Variants in GLRA1 observed in about 807,000 individuals in gnomAD.
GLRA1 encodes glycine receptor subunit alpha-1.
GLRA1 carries 37 observed loss-of-function variants against 48.3 expected under a neutral mutation model. The ratio of observed to expected loss-of-function variants is 0.77; its 90% CI spans 0.59 to 1.01. The LOEUF (loss-of-function observed/expected upper bound fraction) is 1.01. Among genes scored for constraint, GLRA1 ranks in the 50% least tolerant of loss-of-function variants. The pLI, the probability that GLRA1 is intolerant of heterozygous loss-of-function variation, is 0.00. For synonymous variants in GLRA1, 196 were observed against 210.7 expected (o/e 0.93, Z 0.60); for missense variants, 427 against 571.0 (o/e 0.75, Z 2.57).
rs773193591 is a variant in GLRA1 at position 151,886,578 on chromosome 5, C to T, written c.252+143G>A. ...CATTTAATGTGACAGTAAAGACATC[C>T]GAGCCTCATGGTATACCACTGGAGA... is the stretch of plus-strand genomic sequence containing the variant. On this transcript the variant is annotated intron_variant, in intron 3 of 8. Transcript: ENST00000274576. 33 of 706,972 alleles carry T rather than the reference C, an allele frequency of 4.7e-5. 1 individual carries two copies. Among genetic ancestry groups the T allele is most frequent in the Admixed American group, 2.0e-4 (10 of 50,066 alleles). The allele number at this position is 706,972 out of a possible 1,614,324, so 43.8% of individuals were successfully genotyped here.
At chr5:151,896,484 A>G (rs967083037) in intron 1 of GLRA1, among the ~76,000 whole-genome samples, 4 of 152,230 alleles carry the variant, frequency 2.6e-5, no homozygotes, top group Non-Finnish European at 4.4e-5. Context: ...TATCCAAGCA[A>G]GTCAAAACAT....
intron 1 of GLRA1, among the ~76,000 whole-genome samples, chr5:151,923,886 T>A (rs1351484529): frequency 6.6e-6 from 1 of 152,168 alleles, no homozygotes. Flanking sequence ...GCACCCAAGT[T>A]CAGGGCTTTA....
chr5:151,857,232 G>A (rs903377031), intron 4 of GLRA1, among the ~76,000 whole-genome samples: 3 of 152,224 alleles, frequency 2.0e-5, no homozygotes, highest in Non-Finnish European at 2.9e-5. Context: ...TTTGGGTGGC[G>A]GTGGGTGTGG....
intron 7 of GLRA1, 146 bp from the exon 8 acceptor site, chr5:151,829,213 T>C: frequency 1.4e-6 from 1 of 728,010 alleles, no homozygotes; most frequent in Non-Finnish European, 2.3e-6. Context: ...GGTGGAGGTA[T>C]AGAGGAAAAC....
At position 151,893,290 on chromosome 5, in the gene GLRA1, TTCTTTC is replaced by T. The variant is rs1425205965; in HGVS notation, c.57-858_57-853del. Among the ~76,000 whole-genome samples the T allele has an allele frequency of 1.0e-4, 8 of 78,480 alleles. No individual in the cohort carries two copies. In the South Asian group the frequency reaches 3.8e-3, roughly 37 times the overall value. The allele number at this position is 78,480 out of a possible 152,430, so 51.5% of individuals were successfully genotyped here. A position where few individuals can be genotyped will look rare whatever the true frequency, so the allele number is the denominator to read the frequency against. On this transcript the variant is annotated intron_variant, in intron 1 of 8. Transcript: ENST00000274576. ...TGACCCTCCCTCTGCCCAACTTTCTTTCTTTCTTTCTTTCTTTCTTTCTTTCTTTCT... is the reference window on the plus strand; with the variant it reads ...TGACCCTCCCTCTGCCCAACTTTCTTTTTCTTTCTTTCTTTCTTTCTTTCT...
At chr5:151,878,053 G>A (rs1427585537) in intron 3 of GLRA1, among the ~76,000 whole-genome samples, 1 of 152,206 alleles carries the variant, frequency 6.6e-6, no homozygotes, top group Non-Finnish European at 1.5e-5. Context: ...GAAGAGGACA[G>A]GAAAATGTGG....
rs111538347 is a variant in GLRA1, at chr5:151,851,901, A to G, written c.698-297T>C. On this transcript the variant is annotated intron_variant, in intron 6 of 8. Transcript: ENST00000274576. Reference sequence around the variant, plus strand: ...ATGTTCAGAATTGTCAATTGCCAACATCACTGTTACCATCATCATCATCAT... The same window carrying G: ...ATGTTCAGAATTGTCAATTGCCAACGTCACTGTTACCATCATCATCATCAT... 7.2e-5 allele frequency among the ~76,000 whole-genome samples: 11 copies of G among 152,286 alleles called. 1 individual carries two copies. The highest frequency in any genetic ancestry group is 2.6e-4 in the African/African-American group (11 of 41,550).
At chr5:151,918,472 G>T (rs1216480138) in intron 1 of GLRA1, among the ~76,000 whole-genome samples, 3 of 152,098 alleles carry the variant, frequency 2.0e-5, no homozygotes, top group Non-Finnish European at 4.4e-5. Flanking sequence ...TAACCAAGGT[G>T]ATTTCCTTTT....
intron 7 of GLRA1, among the ~76,000 whole-genome samples, chr5:151,830,166 G>A (rs1029006703): frequency 1.3e-5 from 2 of 152,172 alleles, no homozygotes; most frequent in African/African-American, 4.8e-5. Context: ...GCCATTGGAT[G>A]GAGCAGAACA....
intron 7 of GLRA1, chr5:151,849,695 G>T: frequency 3.9e-6 from 1 of 259,690 alleles, no homozygotes. Flanking sequence ...TAGGATTACA[G>T]GTGTGTGTGA....
At chr5:151,831,943 G>A (rs1241268699) in intron 7 of GLRA1, among the ~76,000 whole-genome samples, 1 of 152,218 alleles carries the variant, frequency 6.6e-6, no homozygotes, top group African/African-American at 2.4e-5. Context: ...GAAGCTTCCA[G>A]AGGAAGGAAC....
chr5:151,842,506 A>C (rs1763737243), intron 7 of GLRA1, among the ~76,000 whole-genome samples: 1 of 152,246 alleles, frequency 6.6e-6, no homozygotes, highest in Non-Finnish European at 1.5e-5. Flanking sequence ...AAAATATCAC[A>C]TGATCCTCTA....
At chr5:151,900,197 A>G (rs1488131497) in intron 1 of GLRA1, among the ~76,000 whole-genome samples, 8 of 152,186 alleles carry the variant, frequency 5.3e-5, no homozygotes, top group Non-Finnish European at 1.2e-4. Flanking sequence ...GAGGCACTCA[A>G]TCCCAGGGTT....
At chr5:151,886,698 A>G in intron 3 of GLRA1, 23 bp downstream of exon 3, 1 of 1,529,046 alleles carries the variant, frequency 6.5e-7, no homozygotes, top group South Asian at 1.1e-5. Context: ...AGGAACTAAC[A>G]GCTTGTGTTT....
At position 151,822,618 on chromosome 5, in the gene GLRA1, T is replaced by A; in HGVS notation, c.*55A>T. 8.2e-7 allele frequency: 1 copy of A among 1,217,824 alleles called. No individual in the cohort carries two copies. Among genetic ancestry groups the A allele is most frequent in the Non-Finnish European group, 1.2e-6 (1 of 819,500 alleles). 75.4% of individuals were successfully genotyped at this position (1,217,824 alleles called of 1,614,324 possible). A position where few individuals can be genotyped will look rare whatever the true frequency, so the allele number is the denominator to read the frequency against. On this transcript the variant is annotated 3_prime_UTR_variant, in exon 9 of 9. Coordinates refer to ENST00000274576, the MANE Select transcript of GLRA1 (RefSeq NM_000171.4). ...CCTTCTCTTCCTTAGTCTCTCAGAT[T>A]CCTGTGCTATTCCCACGTTCCCCTC...
intron 3 of GLRA1, among the ~76,000 whole-genome samples, chr5:151,879,459 A>G (rs528535874): frequency 3.3e-4 from 50 of 152,174 alleles, no homozygotes; most frequent in African/African-American, 1.2e-3. Flanking sequence ...GGTTCAAGCA[A>G]TTCTGCAGCC....
chr5:151,855,569 CG>C (rs891610400), intron 5 of GLRA1, among the ~76,000 whole-genome samples: 3 of 152,044 alleles, frequency 2.0e-5, no homozygotes, highest in Non-Finnish European at 4.4e-5. Flanking sequence ...CTGGGGTAGA[CG>C]GGGGAAAGTG....
intron 2 of GLRA1, among the ~76,000 whole-genome samples, chr5:151,887,473 G>A (rs1753937207): frequency 6.6e-6 from 1 of 152,196 alleles, no homozygotes; most frequent in African/African-American, 2.4e-5. Context: ...GGGGGTTCCT[G>A]CTGTGCTGAG....
intron 7 of GLRA1, among the ~76,000 whole-genome samples, chr5:151,838,882 CT>C (rs1561550101): frequency 6.6e-6 from 1 of 151,574 alleles, no homozygotes; most frequent in East Asian, 1.9e-4. Context: ...AAGTCAGAAT[CT>C]TTTTTTTTCA....
Sources: gnomAD v4.1 joint callset for allele counts (sites outside exome capture counted in the v4.1 genomes callset) on GRCh38, gnomAD v4.1.1 for gene constraint, MANE v1.5 for transcripts, NCBI Gene and HGNC (gene_info 2026-07-23, HGNC 2026-07-21) for gene names.